PDE1A: variants seen among roughly 807,000 people sequenced by gnomAD.
The protein encoded by PDE1A is phosphodiesterase 1A.
PDE1A carries 35 observed loss-of-function variants against 61.7 expected under a neutral mutation model. The observed-to-expected ratio is 0.57, with a 90% confidence interval of 0.43 to 0.75. The LOEUF (loss-of-function observed/expected upper bound fraction) is 0.75, where lower values mean the gene tolerates loss of function less well. Ranked by LOEUF, PDE1A falls within the 30% of genes least tolerant of loss-of-function variation. PDE1A has a pLI of 0.00. For missense variants in PDE1A, 597 were observed against 630.6 expected, an observed-to-expected ratio of 0.95 and a Z score of 0.57; for synonymous variants, 232 against 213.2, an observed-to-expected ratio of 1.09 and a Z score of -0.77.
the PDE1A span, among the ~76,000 whole-genome samples, chr2:182,689,700 G>C: frequency 6.6e-6 from 1 of 152,114 alleles, no homozygotes; most frequent in Admixed American, 6.6e-5. Context: ...GAAGGAGATA[G>C]AGACACAAAA....
chr2:182,143,486 T>G (rs752750027), downstream of PDE1A, among the ~76,000 whole-genome samples: 34 of 152,050 alleles, frequency 2.2e-4, no homozygotes, highest in Non-Finnish European at 4.9e-4. Context: ...CTTTCTTTTT[T>G]TAAAAAATTT....
At chr2:182,350,393 G>C (rs912200078) in intron 1 of PDE1A, among the ~76,000 whole-genome samples, 1 of 152,078 alleles carries the variant, frequency 6.6e-6, no homozygotes, top group Admixed American at 6.6e-5. Flanking sequence ...GGAATTGCTG[G>C]GGATGCTTAT....
intron 1 of PDE1A, among the ~76,000 whole-genome samples, chr2:182,358,933 A>G (rs927436535): frequency 6.6e-6 from 1 of 151,702 alleles, no homozygotes; most frequent in African/African-American, 2.4e-5. Flanking sequence ...TTGTCCTTTC[A>G]TCTTCCTTCC....
intron 13 of PDE1A, among the ~76,000 whole-genome samples, chr2:182,183,397 C>T (rs1021294445): frequency 3.9e-5 from 6 of 152,196 alleles, no homozygotes; most frequent in African/African-American, 7.2e-5. Context: ...CCTGAAGTTA[C>T]TCCCACTCCT....
intron 1 of PDE1A, among the ~76,000 whole-genome samples, chr2:182,308,286 T>C (rs763404453): frequency 1.2e-4 from 19 of 152,142 alleles, no homozygotes; most frequent in Non-Finnish European, 2.5e-4. Context: ...AAATCAATTA[T>C]GTAAGCAATA....
chr2:182,244,420 A>T (rs1180286866), intron 2 of PDE1A, among the ~76,000 whole-genome samples: 1 of 150,676 alleles, frequency 6.6e-6, no homozygotes, highest in African/African-American at 2.5e-5. Context: ...GTTTTCAGTT[A>T]TGTCTCTTTT....
At chr2:182,561,331 G>A in the PDE1A span, among the ~76,000 whole-genome samples, 1 of 152,020 alleles carries the variant, frequency 6.6e-6, no homozygotes, top group Non-Finnish European at 1.5e-5. Context: ...CCCATTGCTT[G>A]TTTTTCTCAG....
chr2:182,387,414 T>TAA (rs71405478), intron 1 of PDE1A, among the ~76,000 whole-genome samples: 9 of 81,248 alleles, frequency 1.1e-4, no homozygotes, highest in Non-Finnish European at 1.4e-4. Flanking sequence ...GAATGATCAA[T>TAA]AAAAAAAAAA....
the PDE1A span, among the ~76,000 whole-genome samples, chr2:182,682,769 T>C: frequency 2.0e-5 from 3 of 152,214 alleles, no homozygotes; most frequent in Non-Finnish European, 4.4e-5. Flanking sequence ...TGCTTAGGCA[T>C]GTGTGGGAAG....
the PDE1A span, among the ~76,000 whole-genome samples, chr2:182,686,886 C>T: frequency 5.3e-5 from 8 of 152,236 alleles, no homozygotes; most frequent in East Asian, 1.9e-4. Context: ...GATTATATCC[C>T]GCGCATGGCT....
exon 12 of PDE1A, chr2:182,186,561 G>A: frequency 1.2e-6 from 2 of 1,611,866 alleles, no homozygotes; most frequent in Non-Finnish European, 1.7e-6. Flanking sequence ...AAGAGAAAAT[G>A]TTGGCTCTAC....
At chr2:182,223,330 G>A (rs1574066489) in intron 7 of PDE1A, among the ~76,000 whole-genome samples, 1 of 152,038 alleles carries the variant, frequency 6.6e-6, no homozygotes. Flanking sequence ...ATTTTGTTAT[G>A]GCAGCCCTAA....
intron 2 of PDE1A, among the ~76,000 whole-genome samples, chr2:182,519,180 T>C (rs1690401300): frequency 6.6e-6 from 1 of 152,104 alleles, no homozygotes; most frequent in Non-Finnish European, 1.5e-5. Context: ...CCCAAATTCA[T>C]AAGAAACTTC....
intron 7 of PDE1A, among the ~76,000 whole-genome samples, chr2:182,221,859 C>G (rs999057033): frequency 6.6e-6 from 1 of 151,930 alleles, no homozygotes. Flanking sequence ...ACAGGTCACT[C>G]TACCTCTCGA....
At chr2:182,644,128 T>TACACACAC in the PDE1A span, among the ~76,000 whole-genome samples, 3,926 of 129,480 alleles carry the variant, frequency 0.03, 182 homozygotes, top group African/African-American at 0.088. Flanking sequence ...AATCAATGAT[T>TACACACAC]ACACACACAC....
the PDE1A span, among the ~76,000 whole-genome samples, chr2:182,658,940 T>C: frequency 6.6e-6 from 1 of 152,146 alleles, no homozygotes; most frequent in African/African-American, 2.4e-5. Flanking sequence ...TTTCTGCAAA[T>C]TCTCACTGCA....
At chr2:182,317,750 G>A (rs1696436272) in intron 1 of PDE1A, among the ~76,000 whole-genome samples, 1 of 152,096 alleles carries the variant, frequency 6.6e-6, no homozygotes, top group South Asian at 2.1e-4. Context: ...CTCTCTTTCA[G>A]TTCTTAATTG....
intron 13 of PDE1A, among the ~76,000 whole-genome samples, chr2:182,178,156 C>T (rs1490534741): frequency 2.0e-5 from 3 of 152,238 alleles, no homozygotes; most frequent in African/African-American, 7.2e-5. Context: ...TGTTACTAAG[C>T]TACCCCAAAA....
chr2:182,403,530 C>T (rs1334748290), intron 1 of PDE1A, among the ~76,000 whole-genome samples: 9 of 147,930 alleles, frequency 6.1e-5, no homozygotes, highest in South Asian at 4.3e-4. Flanking sequence ...ACCCGGGAGG[C>T]GGAGCTTGCA....
Sources: allele counts gnomAD v4.1 joint callset (sites outside exome capture counted in the v4.1 genomes callset), GRCh38; gene constraint gnomAD v4.1.1; transcripts MANE v1.5; gene names NCBI Gene and HGNC (gene_info 2026-07-23, HGNC 2026-07-21).